PLAG1: variants seen among roughly 807,000 people sequenced by gnomAD.
The protein encoded by PLAG1 is zinc finger protein PLAG1.
A neutral mutation model predicts 35.5 loss-of-function variants in PLAG1; 7 were observed. That is an observed-to-expected ratio of 0.20 (90% CI 0.11 to 0.37). The LOEUF is 0.37. PLAG1 is among the 10% of genes least tolerant of loss of function. The probability of loss-of-function intolerance (pLI) is 1.00; values close to 1 mark genes in which losing one functional copy is unlikely to be tolerated. For synonymous variants in PLAG1, 229 were observed against 225.4 expected, an observed-to-expected ratio of 1.02 and a Z score of -0.14; for missense variants, 454 against 602.8, an observed-to-expected ratio of 0.75 and a Z score of 2.58.
At chr8:56,180,051 G>A (rs918279515) in intron 1 of PLAG1, among the ~76,000 whole-genome samples, 6 of 152,156 alleles carry the variant, frequency 3.9e-5, no homozygotes, top group African/African-American at 7.2e-5. Flanking sequence ...TTTATGATGC[G>A]ATTATTGCTT....
intron 3 of PLAG1, among the ~76,000 whole-genome samples, chr8:56,168,840 A>G (rs1585777717): frequency 6.6e-6 from 1 of 152,330 alleles, no homozygotes; most frequent in East Asian, 1.9e-4. Context: ...GAAAACAGAG[A>G]TAAGCAACTG....
In PLAG1 at chr8:56,178,083, T is replaced by C. The variant is rs11986542; in HGVS notation, c.-217+1326A>G. ...CTCCTTAAGCACATGGAACTACAGG[T>C]TGATCATGATTTATCATTTAGAAAT... On this transcript the variant is annotated intron_variant, in intron 2 of 4. Coordinates refer to ENST00000316981, the MANE Select transcript of PLAG1 (RefSeq NM_002655.3). 977 of 693,886 alleles carry C rather than the reference T, an allele frequency of 1.4e-3. 11 individuals are homozygous for C. The African/African-American group carries it at 0.036, about 25-fold the overall frequency. 43.0% of individuals were successfully genotyped at this position (693,886 alleles called of 1,614,324 possible).
At chr8:56,183,738 T>C (rs1046990556) in intron 1 of PLAG1, among the ~76,000 whole-genome samples, 2 of 152,184 alleles carry the variant, frequency 1.3e-5, no homozygotes, top group African/African-American at 4.8e-5. Flanking sequence ...CCAAAAATAA[T>C]GTTTTTTTAA....
rs1811802073 is a variant in PLAG1 at position 56,179,431 on chromosome 8, A to G, written c.-239T>C. 3 of 953,194 alleles carry G rather than the reference A, an allele frequency of 3.1e-6. No homozygotes were observed. The highest frequency in any genetic ancestry group is 3.7e-6 in the Non-Finnish European group (3 of 800,138). 59.0% of individuals were successfully genotyped at this position (953,194 alleles called of 1,614,324 possible). The stretch of plus-strand genomic sequence containing the variant: ...TACCTGAGGCCCTGCTCCAAACTCT[A>G]GCAAGGCAACCTTATTAATAGACCG... On this transcript the variant is annotated 5_prime_UTR_variant, in exon 2 of 5. Transcript: ENST00000316981.
chr8:56,202,804 A>T (rs1812591143), intron 1 of PLAG1, among the ~76,000 whole-genome samples: 1 of 152,222 alleles, frequency 6.6e-6, no homozygotes, highest in Non-Finnish European at 1.5e-5. Context: ...TCTTGAGAAC[A>T]TATTAAATAA....
At chr8:56,174,475 G>A (rs1554533911) in intron 2 of PLAG1, among the ~76,000 whole-genome samples, 1 of 152,046 alleles carries the variant, frequency 6.6e-6, no homozygotes, top group Non-Finnish European at 1.5e-5. Context: ...AAAATAACAG[G>A]AAAAAAACTA....
chr8:56,177,712 C>T (rs568236959), intron 2 of PLAG1, among the ~76,000 whole-genome samples: 1 of 152,248 alleles, frequency 6.6e-6, no homozygotes, highest in South Asian at 2.1e-4. Flanking sequence ...ACTGTGGTCC[C>T]TTTAAGGAAA....
At chr8:56,178,768 G>A (rs1250813966) in intron 2 of PLAG1, among the ~76,000 whole-genome samples, 2 of 151,836 alleles carry the variant, frequency 1.3e-5, no homozygotes, top group Admixed American at 6.6e-5. Context: ...CTTGAAGGTC[G>A]TACTGACAGA....
intron 1 of PLAG1, 136 bp downstream of exon 1, chr8:56,210,983 TGA>T (rs1812888688): frequency 6.5e-6 from 1 of 152,986 alleles, no homozygotes; most frequent in Admixed American, 6.5e-5. Flanking sequence ...GAGCAGGGGC[TGA>T]GAGTAGCACA....
intron 1 of PLAG1, among the ~76,000 whole-genome samples, chr8:56,191,010 C>G (rs1812166547): frequency 6.6e-6 from 1 of 152,110 alleles, no homozygotes; most frequent in African/African-American, 2.4e-5. Context: ...GAGCCCGGCG[C>G]TACGGAATTT....
intron 3 of PLAG1, among the ~76,000 whole-genome samples, 197 bp downstream of exon 3, chr8:56,170,894 T>G (rs1811505157): frequency 6.6e-6 from 1 of 152,186 alleles, no homozygotes; most frequent in Admixed American, 6.5e-5. Flanking sequence ...CCAGCTGAAA[T>G]TTTTTCATGG....
chr8:56,175,306 C>T lies in PLAG1; in HGVS notation c.-217+4103G>A, dbSNP rs893042379. ...AATAAAAATTTCCAAAGTGAAAACA[C>T]GCCTGATGCCTGCATTAGTCCTTGG... On this transcript the variant is annotated intron_variant, in intron 2 of 4. Coordinates refer to ENST00000316981, the MANE Select transcript of PLAG1 (RefSeq NM_002655.3). Among the ~76,000 whole-genome samples the T allele has an allele frequency of 7.2e-5, 11 of 152,312 alleles. No individual in the cohort carries two copies. The East Asian group carries it at 9.6e-4, about 13-fold the overall frequency.
intron 1 of PLAG1, among the ~76,000 whole-genome samples, chr8:56,203,782 T>A (rs965202570): frequency 1.3e-5 from 2 of 151,970 alleles, no homozygotes; most frequent in African/African-American, 4.8e-5. Context: ...CCTATGAAAT[T>A]GAATAGTAAA....
At position 56,194,583 on chromosome 8, in the gene PLAG1, G is replaced by A. The variant is rs1563389671; in HGVS notation, c.-321-15070C>T. Among the ~76,000 whole-genome samples, 2 of 151,938 alleles carry A rather than the reference G, an allele frequency of 1.3e-5. 1 individual carries two copies. Among genetic ancestry groups the A allele is most frequent in the Non-Finnish European group, 2.9e-5 (2 of 67,994 alleles). On this transcript the variant is annotated intron_variant, in intron 1 of 4. Transcript: ENST00000316981. ...CTGCTGGACTCAGCACTGGGTGTGT[G>A]TGTGTGTGTGTGAATGTATGTGTGT...
intron 1 of PLAG1, among the ~76,000 whole-genome samples, chr8:56,186,682 T>TA (rs34806294): frequency 0.043 from 5,972 of 138,502 alleles, 392 homozygotes; most frequent in African/African-American, 0.14. Context: ...TGGTTAGCAT[T>TA]AAAAAAAAAA....
chr8:56,198,091 C>T (rs1007504852), intron 1 of PLAG1, among the ~76,000 whole-genome samples: 1 of 152,224 alleles, frequency 6.6e-6, no homozygotes, highest in African/African-American at 2.4e-5. Flanking sequence ...AACCGCTGCT[C>T]AGGGCTTCCT....
chr8:56,201,464 C>T (rs1162357735), intron 1 of PLAG1, among the ~76,000 whole-genome samples: 1 of 152,080 alleles, frequency 6.6e-6, no homozygotes. Context: ...ATAAATTTCC[C>T]CAATTCCTTA....
intron 1 of PLAG1, among the ~76,000 whole-genome samples, chr8:56,210,286 A>G (rs1021073645): frequency 6.6e-6 from 1 of 152,112 alleles, no homozygotes; most frequent in East Asian, 1.9e-4. Context: ...GCGATTTTTT[A>G]AAAATTTTTA....
chr8:56,167,297 A>G lies in PLAG1; in HGVS notation c.449T>C (p.Leu150Pro), dbSNP rs1811388974. Reference sequence around the variant, plus strand: ...AGTTTGCAAACATACCTTACAGGTGAGGTCACCACTTGTTGCGGCATGCAA... The same window carrying G: ...AGTTTGCAAACATACCTTACAGGTGGGGTCACCACTTGTTGCGGCATGCAA... ...LALHAATSGD[L>P]TCKVCLQTFE... The change falls in exon 5 of 5, where the codon CTC (leucine) becomes CCC (proline). Residue 150 changes from leucine (L) to proline (P), a missense_variant. By Grantham distance (98) the Leu-to-Pro change is moderately conservative (BLOSUM62 -3). Transcript: ENST00000316981. This position sits in a 1 kb window ranked among gnomAD's most constrained non-coding sequence, Gnocchi z 5.9. 1 of 1,613,880 alleles carries G rather than the reference A, an allele frequency of 6.2e-7. No homozygotes were observed. The highest frequency in any genetic ancestry group is 1.7e-5 in the Admixed American group (1 of 59,976).
Sources: allele counts gnomAD v4.1 joint callset (sites outside exome capture counted in the v4.1 genomes callset), GRCh38; gene constraint gnomAD v4.1.1; non-coding constraint Gnocchi (gnomAD v3.1); transcripts MANE v1.5; gene names NCBI Gene and HGNC (gene_info 2026-07-23, HGNC 2026-07-21).